SPATS2L: variants seen among roughly 807,000 people sequenced by gnomAD.
The protein encoded by SPATS2L is spermatogenesis associated serine rich 2 like.
SPATS2L carries 30 observed loss-of-function variants against 59.6 expected under a neutral mutation model. The observed-to-expected ratio is 0.50, with a 90% CI of 0.38 to 0.68. The LOEUF is 0.68. Among genes scored for constraint, SPATS2L ranks in the 30% least tolerant of loss-of-function variants. The probability of loss-of-function intolerance (pLI) is 0.00; values close to 1 mark genes in which losing one functional copy is unlikely to be tolerated. For synonymous variants in SPATS2L, 252 were observed against 263.5 expected (o/e 0.96, Z 0.42); for missense variants, 615 against 700.0 (o/e 0.88, Z 1.37).
intron 2 of SPATS2L, among the ~76,000 whole-genome samples, chr2:200,336,152 G>T (rs1384734657): frequency 6.6e-6 from 1 of 152,216 alleles, no homozygotes; most frequent in East Asian, 1.9e-4. Flanking sequence ...AGCTTTGCAT[G>T]AACTTTTTGT....
intron 2 of SPATS2L, among the ~76,000 whole-genome samples, chr2:200,382,538 G>A (rs1178855417): frequency 6.6e-6 from 1 of 152,172 alleles, no homozygotes; most frequent in Non-Finnish European, 1.5e-5. Context: ...TTCCCCTGGT[G>A]GAGTTCTTAC....
chr2:200,455,463 A>C (rs1424225111), intron 8 of SPATS2L, among the ~76,000 whole-genome samples: 1 of 152,186 alleles, frequency 6.6e-6, no homozygotes, highest in Non-Finnish European at 1.5e-5. Context: ...CAGGAAGCTT[A>C]GATGAGATCA....
At chr2:200,393,345 G>C (rs915054311) in intron 3 of SPATS2L, 1 of 456,708 alleles carries the variant, frequency 2.2e-6, no homozygotes, top group Non-Finnish European at 4.4e-6. Context: ...AGGGAAAATA[G>C]GCTGATCTGT....
At chr2:200,444,965 C>G (rs1421711862) in intron 8 of SPATS2L, among the ~76,000 whole-genome samples, 1 of 152,054 alleles carries the variant, frequency 6.6e-6, no homozygotes, top group East Asian at 1.9e-4. Context: ...TCCTCCCTCT[C>G]AAAGTGACAT....
chr2:200,408,376 C>T (rs972173778), intron 3 of SPATS2L, among the ~76,000 whole-genome samples: 17 of 152,082 alleles, frequency 1.1e-4, no homozygotes, highest in African/African-American at 4.8e-5. Context: ...AAAATGGTCA[C>T]GAATATACTC....
intron 2 of SPATS2L, among the ~76,000 whole-genome samples, chr2:200,331,569 G>A (rs1303518963): frequency 1.3e-5 from 2 of 152,006 alleles, no homozygotes; most frequent in East Asian, 1.9e-4. Flanking sequence ...AATATAGACC[G>A]AGGCTCCAGG....
Position 200,409,021 on chromosome 2 carries a change from G to C in SPATS2L, c.40-3290G>C, listed in dbSNP as rs558175111. Among the ~76,000 whole-genome samples, 63 of 152,364 alleles carry C rather than the reference G, an allele frequency of 4.1e-4. 1 individual carries two copies. Among genetic ancestry groups the C allele is most frequent in the African/African-American group, 1.4e-3 (60 of 41,592 alleles). The stretch of plus-strand genomic sequence containing the variant: ...ACTGTCACCCAACAGCGGCCGCCTG[G>C]TGGGACCACTTTGTTTATGGCATGA... On this transcript the variant is annotated intron_variant, in intron 3 of 12. Transcript: ENST00000409140.
chr2:200,380,658 G>T (rs1168418089), intron 2 of SPATS2L, among the ~76,000 whole-genome samples: 2 of 152,192 alleles, frequency 1.3e-5, no homozygotes, highest in Non-Finnish European at 1.5e-5. Context: ...TAAACCAAAG[G>T]CTAACCCTGC....
intron 6 of SPATS2L, among the ~76,000 whole-genome samples, chr2:200,421,258 G>A (rs901564478): frequency 1.3e-5 from 2 of 152,132 alleles, no homozygotes; most frequent in African/African-American, 2.4e-5. Context: ...GGAGCATTGG[G>A]TATTGAAGGA....
chr2:200,472,954 A>G lies in SPATS2L; in HGVS notation c.1183A>G (p.Asn395Asp), dbSNP rs1291707050. 1.9e-6 allele frequency: 3 copies of G among 1,613,928 alleles called. No homozygotes were observed. Among genetic ancestry groups the G allele is most frequent in the South Asian group, 2.2e-5 (2 of 91,086 alleles). The change falls in exon 12 of 13, where the codon AAT (asparagine) becomes GAT (aspartate). Residue 395 changes from asparagine to aspartate, a missense_variant. Coordinates refer to ENST00000409140, the MANE Select transcript of SPATS2L (RefSeq NM_001100423.2). ...SNFSRKSSTH[N>D]KPSEGKAANP... Reference sequence around the variant, plus strand: ...CTTTTCCCGAAAATCATCCACTCACAATAAGCCCTCTGAAGGCAAAGCGGC... The same window carrying G: ...CTTTTCCCGAAAATCATCCACTCACGATAAGCCCTCTGAAGGCAAAGCGGC...
At chr2:200,393,308 C>G (rs1371833594) in intron 3 of SPATS2L, 1 of 456,618 alleles carries the variant, frequency 2.2e-6, no homozygotes, top group Non-Finnish European at 4.4e-6. Context: ...GTGTCTTATT[C>G]AAAACAGAGG....
chr2:200,317,576 G>A (rs1426169223), intron 1 of SPATS2L, among the ~76,000 whole-genome samples: 2 of 152,118 alleles, frequency 1.3e-5, no homozygotes, highest in Non-Finnish European at 2.9e-5. Context: ...ACCCAGCCAA[G>A]GGTGACAAAG....
intron 7 of SPATS2L, among the ~76,000 whole-genome samples, chr2:200,440,067 T>G (rs1212674705): frequency 6.6e-6 from 1 of 152,238 alleles, no homozygotes; most frequent in Non-Finnish European, 1.5e-5. Context: ...TCTGCCTGTT[T>G]GTGATGTACT....
intron 2 of SPATS2L, among the ~76,000 whole-genome samples, chr2:200,361,500 C>T (rs1345830725): frequency 1.3e-5 from 2 of 152,160 alleles, no homozygotes; most frequent in Non-Finnish European, 2.9e-5. Flanking sequence ...AAACCTCCCT[C>T]AGTAACTAAA....
Position 200,467,387 on chromosome 2 carries a change from G to A in SPATS2L, c.945G>A (p.Arg315=). 2 of 1,613,188 alleles carry A rather than the reference G, an allele frequency of 1.2e-6. No individual in the cohort carries two copies. Among genetic ancestry groups the A allele is most frequent in the East Asian group, 4.5e-5 (2 of 44,878 alleles). ...QMAEMQLAEL[R]AEIKHFVSER... ...CAGAGATGCAGCTGGCCGAACTCAG[G>A]GCAGAAATTAAGGTCAGTTCTAAAA... is the stretch of plus-strand genomic sequence containing the variant. Residue 315 remains arginine, a synonymous_variant, in exon 10 of 13, where the codon AGG becomes AGA. Coordinates refer to ENST00000409140, the MANE Select transcript of SPATS2L (RefSeq NM_001100423.2).
At chr2:200,430,064 C>T (rs1413633183) in intron 6 of SPATS2L, among the ~76,000 whole-genome samples, 1 of 152,106 alleles carries the variant, frequency 6.6e-6, no homozygotes, top group Non-Finnish European at 1.5e-5. Context: ...GCTTTTCTTT[C>T]TTAACACCAC....
In SPATS2L at chr2:200,361,301, A is replaced by C. The variant is rs115474458; in HGVS notation, c.-22-27922A>C. ...GAGAAAGAGAGAGAAGAAAAAGGAGAAAGAAGGGAAATTGACTGGGGGGAG... is the reference window on the plus strand; with the variant it reads ...GAGAAAGAGAGAGAAGAAAAAGGAGCAAGAAGGGAAATTGACTGGGGGGAG... On this transcript the variant is annotated intron_variant, in intron 2 of 12. Transcript: ENST00000409140. 7.2e-3 allele frequency among the ~76,000 whole-genome samples: 1,091 copies of C among 152,256 alleles called. 11 individuals carry two copies. The highest frequency in any genetic ancestry group is 0.025 in the African/African-American group (1,056 of 41,544).
intron 1 of SPATS2L, among the ~76,000 whole-genome samples, chr2:200,316,202 A>C (rs2079373077): frequency 6.6e-6 from 1 of 152,188 alleles, no homozygotes; most frequent in Non-Finnish European, 1.5e-5. Context: ...ATTAGATTCC[A>C]GTGAAATCTG....
chr2:200,359,834 C>G (rs1056869888), intron 2 of SPATS2L, among the ~76,000 whole-genome samples: 1 of 152,166 alleles, frequency 6.6e-6, no homozygotes, highest in Admixed American at 6.5e-5. Flanking sequence ...GGCTGTGAAC[C>G]AGGGCCCTTC....
Sources: gnomAD v4.1 joint callset for allele counts (sites outside exome capture counted in the v4.1 genomes callset) on GRCh38, gnomAD v4.1.1 for gene constraint, MANE v1.5 for transcripts, NCBI Gene and HGNC (gene_info 2026-07-23, HGNC 2026-07-21) for gene names.